RYR2: variants seen among roughly 807,000 people sequenced by gnomAD.
RYR2 encodes the protein cardiac muscle ryanodine receptor-calcium release channel.
A neutral mutation model predicts 601.1 loss-of-function variants in RYR2; 227 were observed. That is an observed-to-expected ratio of 0.38 (90% confidence interval 0.34 to 0.42). The LOEUF (loss-of-function observed/expected upper bound fraction) is 0.42, where lower values mean the gene tolerates loss of function less well. Ranked by LOEUF, RYR2 falls within the 10% of genes least tolerant of loss-of-function variation. The probability of loss-of-function intolerance (pLI) is 1.00; values close to 1 mark genes in which losing one functional copy is unlikely to be tolerated. For missense variants in RYR2, 4,646 were observed against 6,156.5 expected (o/e 0.75, Z 8.21); for synonymous variants, 2,223 against 2,175.1 (o/e 1.02, Z -0.61).
chr1:237,214,055 G>T (rs1444470096), intron 1 of RYR2, among the ~76,000 whole-genome samples: 1 of 151,084 alleles, frequency 6.6e-6, no homozygotes, highest in Non-Finnish European at 1.5e-5. Context: ...CAGGTAGCTG[G>T]GACTACATGC....
chr1:237,312,810 A>G (rs1007099845), intron 2 of RYR2, among the ~76,000 whole-genome samples: 2 of 152,220 alleles, frequency 1.3e-5, no homozygotes, highest in African/African-American at 4.8e-5. Flanking sequence ...GGAATTTACT[A>G]TTGCTACCTG....
intron 12 of RYR2, among the ~76,000 whole-genome samples, chr1:237,439,890 T>G (rs1328997784): frequency 6.6e-6 from 1 of 152,306 alleles, no homozygotes; most frequent in East Asian, 1.9e-4. Context: ...TACAGTGTTC[T>G]ATTTTTATCA....
At chr1:237,440,751 T>C (rs956841365) in intron 12 of RYR2, among the ~76,000 whole-genome samples, 2 of 152,192 alleles carry the variant, frequency 1.3e-5, no homozygotes, top group East Asian at 3.9e-4. Context: ...ACCGTTATTA[T>C]TGTCAAAGTT....
At chr1:237,433,744 G>A (rs1194218796) in intron 12 of RYR2, among the ~76,000 whole-genome samples, 2 of 152,104 alleles carry the variant, frequency 1.3e-5, no homozygotes, top group East Asian at 3.8e-4. Flanking sequence ...ATGAAGAAGA[G>A]TTATACTGTG....
chr1:237,821,349 G>A, intron 101 of RYR2, among the ~76,000 whole-genome samples: 1 of 152,320 alleles, frequency 6.6e-6, no homozygotes, highest in East Asian at 1.9e-4. Context: ...AATCTTTGCT[G>A]TTCTGCAACC....
intron 1 of RYR2, among the ~76,000 whole-genome samples, chr1:237,157,150 G>T (rs1393004261): frequency 1.3e-5 from 2 of 151,976 alleles, no homozygotes; most frequent in East Asian, 1.9e-4. Context: ...ACAAAAATTA[G>T]TTGGGTGTGG....
At chr1:237,413,602 G>A (rs971483056) in intron 10 of RYR2, among the ~76,000 whole-genome samples, 2 of 151,908 alleles carry the variant, frequency 1.3e-5, no homozygotes, top group African/African-American at 2.4e-5. Context: ...TTCCTCTAAC[G>A]TAATTAATGC....
In RYR2 at chr1:237,614,605, A is replaced by G; in HGVS notation, c.5477A>G (p.Tyr1826Cys). 2 of 1,613,994 alleles carry G rather than the reference A, an allele frequency of 1.2e-6. No individual in the cohort carries two copies. The highest frequency in any genetic ancestry group is 1.7e-6 in the Non-Finnish European group (2 of 1,179,894). Reference protein sequence around the residue: ...FLFVPLIKLFYTLLIMGIFHN... With the variant: ...FLFVPLIKLFCTLLIMGIFHN... The stretch of plus-strand genomic sequence containing the variant: ...TTTGTACCTCTCATCAAGCTTTTCT[A>G]TACCCTGCTGATCATGGGCATCTTT... The change falls in exon 37 of 105, where the codon TAT becomes TGT. Residue 1826 changes from tyrosine to cysteine, a missense_variant. This residue lies in a region of RYR2 where 1,807 missense variants were observed against 2,088.1 expected (regional missense o/e 0.87). Coordinates refer to ENST00000366574, the MANE Select transcript of RYR2 (RefSeq NM_001035.3). The surrounding 1 kb of genome is among the most constrained non-coding windows in gnomAD (Gnocchi z 4.3).
intron 63 of RYR2, among the ~76,000 whole-genome samples, chr1:237,694,852 C>T (rs1365674567): frequency 1.3e-5 from 2 of 152,178 alleles, no homozygotes. Context: ...TCTGCAATTT[C>T]TCTCTATTCC....
chr1:237,739,444 A>T (rs1419876795), intron 79 of RYR2, among the ~76,000 whole-genome samples: 1 of 152,086 alleles, frequency 6.6e-6, no homozygotes, highest in African/African-American at 2.4e-5. Flanking sequence ...CTTCACCCCA[A>T]CGGTGGTTTT....
At chr1:237,701,227 T>A (rs2149035249) in intron 65 of RYR2, among the ~76,000 whole-genome samples, 1 of 152,322 alleles carries the variant, frequency 6.6e-6, no homozygotes, top group East Asian at 1.9e-4. Context: ...ATTTTAAATT[T>A]TGTTTTAAGA....
chr1:237,464,391 TC>T (rs1477411262), intron 16 of RYR2, among the ~76,000 whole-genome samples: 1 of 145,660 alleles, frequency 6.9e-6, no homozygotes, highest in African/African-American at 2.5e-5. Flanking sequence ...TAACTTCCAT[TC>T]TTATTGAGCA....
chr1:237,798,911 A>G (rs978834629), intron 97 of RYR2, among the ~76,000 whole-genome samples: 1 of 152,124 alleles, frequency 6.6e-6, no homozygotes, highest in Non-Finnish European at 1.5e-5. Context: ...TGCTTATTGT[A>G]GTCACTTAAT....
chr1:237,746,469 T>C (rs1692086199), intron 80 of RYR2, among the ~76,000 whole-genome samples: 1 of 152,072 alleles, frequency 6.6e-6, no homozygotes, highest in Non-Finnish European at 1.5e-5. Flanking sequence ...AAGAATGCAG[T>C]AAAGCTCAAA....
intron 3 of RYR2, among the ~76,000 whole-genome samples, chr1:237,334,259 C>T (rs1021595059): frequency 1.3e-5 from 2 of 151,776 alleles, no homozygotes; most frequent in African/African-American, 2.4e-5. Flanking sequence ...ATGAACATTA[C>T]GATAACAGAA....
chr1:237,254,556 A>G (rs188033826), intron 1 of RYR2, among the ~76,000 whole-genome samples: 2 of 152,288 alleles, frequency 1.3e-5, no homozygotes, highest in East Asian at 3.9e-4. Context: ...TGAGTCTGGT[A>G]TAGGTCTTTG....
intron 1 of RYR2, among the ~76,000 whole-genome samples, chr1:237,215,369 G>A (rs533562299): frequency 1.3e-5 from 2 of 152,292 alleles, no homozygotes; most frequent in African/African-American, 4.8e-5. Flanking sequence ...ACTATCCACA[G>A]TTTCAGGAAT....
At chr1:237,594,412 T>C (rs1386984827) in intron 33 of RYR2, among the ~76,000 whole-genome samples, 2 of 152,172 alleles carry the variant, frequency 1.3e-5, no homozygotes, top group East Asian at 1.9e-4. Flanking sequence ...TGAAGCATAA[T>C]GGACTTAGCA....
chr1:237,570,116 G>A (rs1344686400), intron 29 of RYR2, among the ~76,000 whole-genome samples: 1 of 151,602 alleles, frequency 6.6e-6, no homozygotes, highest in Admixed American at 6.6e-5. Flanking sequence ...TATTTGAGAG[G>A]CTGAGGCAGG....
Sources: allele counts gnomAD v4.1 joint callset (sites outside exome capture counted in the v4.1 genomes callset), GRCh38; gene constraint gnomAD v4.1.1; regional missense constraint gnomAD v4.1.1; non-coding constraint Gnocchi (gnomAD v3.1); transcripts MANE v1.5; gene names NCBI Gene and HGNC (gene_info 2026-07-23, HGNC 2026-07-21).